The following BCL11A variants were observed in gnomAD, a reference collection of about 807,000 sequenced individuals.
BCL11A encodes the protein BCL11 transcription factor A, also known as B cell CLL/lymphoma 11A.
BCL11A carries 2 observed loss-of-function variants against 55.9 expected under a neutral mutation model. That is an observed-to-expected ratio of 0.04 (90% CI 0.01 to 0.11). BCL11A has a LOEUF of 0.11. Ranked by LOEUF, BCL11A falls within the 10% of genes least tolerant of loss-of-function variation. The pLI is 1.00. For synonymous variants in BCL11A, 465 were observed against 473.4 expected (o/e 0.98, Z 0.23); for missense variants, 817 against 1,137.1 (o/e 0.72, Z 4.05).
chr2:60,516,664 C>G (rs1206046535), intron 2 of BCL11A, among the ~76,000 whole-genome samples: 1 of 152,212 alleles, frequency 6.6e-6, no homozygotes, highest in African/African-American at 2.4e-5. Context: ...ATCAGGACAA[C>G]TGGGAGTGAA....
At chr2:60,454,681 G>A (rs1466896552), downstream of BCL11A, among the ~76,000 whole-genome samples, 2 of 152,102 alleles carry the variant, frequency 1.3e-5, no homozygotes, top group Non-Finnish European at 2.9e-5. Context: ...AGAGGATGGG[G>A]CCTGAGGCTT....
At chr2:60,497,310 C>A (rs1280443683) in intron 2 of BCL11A, among the ~76,000 whole-genome samples, 1 of 152,194 alleles carries the variant, frequency 6.6e-6, no homozygotes, top group African/African-American at 2.4e-5. Context: ...TAAAACGAAG[C>A]ATCGCCTTTA....
exon 5 of BCL11A, chr2:60,452,146 G>A (rs975252323): frequency 8.7e-6 from 2 of 229,674 alleles, no homozygotes; most frequent in Non-Finnish European, 1.7e-5. Context: ...TAAAGAACAA[G>A]CAAACACCAC....
At chr2:60,466,397 C>G (rs749213961) in intron 3 of BCL11A, among the ~76,000 whole-genome samples, 1 of 152,136 alleles carries the variant, frequency 6.6e-6, no homozygotes, top group African/African-American at 2.4e-5. Context: ...GAGCTCTCCC[C>G]ACCCAGCCAG....
rs1676001434 is a variant in BCL11A, at chr2:60,457,649, GA to G, written c.*2754del. The G allele has an allele frequency of 2.9e-6, 3 of 1,025,156 alleles. No individual in the cohort carries two copies. The highest frequency in any genetic ancestry group is 3.5e-6 in the Non-Finnish European group (3 of 856,074). The allele number at this position is 1,025,156 out of a possible 1,614,324, so 63.5% of individuals were successfully genotyped here. ...AAAGCACCATTTAGTTTTTGGCAATGAAAAAAACTGCAAAACATTGGTTTTT... is the reference window on the plus strand; with the variant it reads ...AAAGCACCATTTAGTTTTTGGCAATGAAAAAACTGCAAAACATTGGTTTTT... On this transcript the variant is annotated 3_prime_UTR_variant, in exon 4 of 4. Transcript: ENST00000642384.
At chr2:60,484,734 A>G (rs185373712) in intron 2 of BCL11A, among the ~76,000 whole-genome samples, 2 of 152,190 alleles carry the variant, frequency 1.3e-5, no homozygotes, top group East Asian at 3.9e-4. Context: ...ACCACTCGAG[A>G]AAAAATGCAC....
At chr2:60,456,093 T>C (rs924044749), downstream of BCL11A, among the ~76,000 whole-genome samples, 2 of 152,136 alleles carry the variant, frequency 1.3e-5, no homozygotes, top group African/African-American at 4.8e-5. Flanking sequence ...CTTTATACTT[T>C]AGAAAGATAA....
In BCL11A at chr2:60,461,579, C is replaced by T. The variant is rs745490013; in HGVS notation, c.1333G>A (p.Ala445Thr). 4.3e-6 allele frequency: 7 copies of T among 1,612,380 alleles called. No individual in the cohort carries two copies. Among genetic ancestry groups the T allele is most frequent in the African/African-American group, 1.3e-5 (1 of 74,932 alleles). ...TVKSDDGLSTASSPEPGTSDL... is the reference protein window; with the variant it reads ...TVKSDDGLSTTSSPEPGTSDL... ...CTGGTGCCGGGTTCCGGGGAGCTGG[C>T]GGTGGAGAGACCGTCGTCGGACTTG... The change falls in exon 4 of 4, where the codon GCC becomes ACC. Residue 445 changes from alanine to threonine, a missense_variant. By Grantham distance (58) the Ala-to-Thr change is moderately conservative (BLOSUM62 0). Coordinates refer to ENST00000642384, the MANE Select transcript of BCL11A (RefSeq NM_022893.4).
At position 60,461,978 on chromosome 2, in the gene BCL11A, C is replaced by G. The variant is rs749639283; in HGVS notation, c.934G>C (p.Ala312Pro). The change falls in exon 4 of 4, where the codon GCC (alanine) becomes CCC (proline). Residue 312 changes from alanine (A) to proline (P), a missense_variant. By Grantham distance (27) the Ala-to-Pro change is conservative. Around this residue, in one of 4 missense-constraint regions of BCL11A, gnomAD observed 363 missense variants for 486.6 expected, o/e 0.75. Transcript: ENST00000642384. ...RLNPMAMEPP[A>P]MDFSRRLREL... ...CTAAGTCTCCTAGAGAAATCCATGG[C>G]GGGAGGCTCCATAGCCATTGGATTC... 1 of 1,613,758 alleles carries G rather than the reference C, an allele frequency of 6.2e-7. No individual in the cohort carries two copies. The highest frequency in any genetic ancestry group is 8.5e-7 in the Non-Finnish European group (1 of 1,180,014).
At chr2:60,484,246 G>T (rs1366518012) in intron 2 of BCL11A, 1 of 152,344 alleles carries the variant, frequency 6.6e-6, no homozygotes, top group Non-Finnish European at 1.5e-5. Flanking sequence ...TCCGCACACA[G>T]TCAGTTTCCC....
intron 2 of BCL11A, among the ~76,000 whole-genome samples, chr2:60,508,003 C>T (rs1679743382): frequency 6.6e-6 from 1 of 152,160 alleles, no homozygotes; most frequent in Non-Finnish European, 1.5e-5. Context: ...GTGTTGGTTC[C>T]TATGGGGTTA....
At chr2:60,501,678 A>C (rs1333438426) in intron 2 of BCL11A, among the ~76,000 whole-genome samples, 2 of 151,246 alleles carry the variant, frequency 1.3e-5, no homozygotes, top group Non-Finnish European at 2.9e-5. Context: ...GGCTAAGTTT[A>C]TATTTTTAAT....
chr2:60,467,109 T>TGGTGGTG (rs1676669966), intron 3 of BCL11A, among the ~76,000 whole-genome samples: 2 of 147,712 alleles, frequency 1.4e-5, no homozygotes, highest in African/African-American at 2.5e-5. Context: ...ATGGTGGTGG[T>TGGTGGTG]AGTGGTGGTG....
downstream of BCL11A, among the ~76,000 whole-genome samples, chr2:60,454,317 C>A (rs1480132037): frequency 6.6e-6 from 1 of 152,144 alleles, no homozygotes; most frequent in African/African-American, 2.4e-5. Context: ...CTTTAGGAGA[C>A]AACTAGGAAA....
At chr2:60,553,788 G>A (rs1048877441), upstream of BCL11A, 1 of 148,840 alleles carries the variant, frequency 6.7e-6, no homozygotes, top group African/African-American at 2.5e-5. Flanking sequence ...GGGAGGGGGA[G>A]GTGCGGGGCG....
intron 2 of BCL11A, among the ~76,000 whole-genome samples, chr2:60,474,277 C>A (rs1378406880): frequency 6.6e-6 from 1 of 151,938 alleles, no homozygotes; most frequent in African/African-American, 2.4e-5. Context: ...TTTCTGCAAG[C>A]TGTGTCTTTA....
downstream of BCL11A, among the ~76,000 whole-genome samples, chr2:60,453,381 C>A (rs1675805158): frequency 1.3e-5 from 2 of 152,238 alleles, no homozygotes; most frequent in African/African-American, 4.8e-5. Flanking sequence ...AACTGGGAGT[C>A]CGGATGTGCC....
chr2:60,462,121 G>A lies in BCL11A; in HGVS notation c.791C>T (p.Pro264Leu), dbSNP rs1269007948. The A allele has an allele frequency of 1.3e-6, 2 of 1,554,170 alleles. No homozygotes were observed. The highest frequency in any genetic ancestry group is 1.7e-6 in the Non-Finnish European group (2 of 1,151,792). Residue 264 changes from proline to leucine, a missense_variant, in exon 4 of 4, where the codon CCC becomes CTC. Pro to Leu is a moderately conservative substitution (Grantham distance 98, BLOSUM62 -3). Coordinates refer to ENST00000642384, the MANE Select transcript of BCL11A (RefSeq NM_022893.4). ...LAEGRFPPTP[P>L]LFSPPPRHHL... The stretch of plus-strand genomic sequence containing the variant: ...ATGTCTCGGTGGTGGACTAAACAGG[G>A]GGGGAGTGGGTGGAAAGCGCCCTTC...
At position 60,462,402 on chromosome 2, in the gene BCL11A, G is replaced by A. The variant is rs1472890997; in HGVS notation, c.510C>T (p.Tyr170=). Residue 170 remains tyrosine (Y), a synonymous_variant, in exon 4 of 4, where the codon TAC becomes TAT. Transcript: ENST00000642384. ...ATGGCTGTTTGCAAGTTGTACATGT[G>A]TAGCTGCTGGGCTCATCTTTACCTG... The part of the protein sequence containing the change: ...QGICKDEPSS[Y]TCTTCKQPFT... 2 of 1,608,940 alleles carry A rather than the reference G, an allele frequency of 1.2e-6. No homozygotes were observed. The highest frequency in any genetic ancestry group is 1.7e-5 in the Admixed American group (1 of 59,348).
Sources: gnomAD v4.1 joint callset for allele counts (sites outside exome capture counted in the v4.1 genomes callset) on GRCh38, gnomAD v4.1.1 for gene constraint, gnomAD v4.1.1 regional missense constraint, MANE v1.5 for transcripts, NCBI Gene and HGNC (gene_info 2026-07-23, HGNC 2026-07-21) for gene names.